The following PCDHB13 variants were observed in gnomAD, a reference collection of about 807,000 sequenced individuals.
PCDHB13 encodes protocadherin beta 13, also known as protocadherin beta-13.
For missense variants in PCDHB13, 1,065 were observed against 1,016.7 expected, an observed-to-expected ratio of 1.05 and a Z score of -0.65; for synonymous variants, 515 against 450.7, an observed-to-expected ratio of 1.14 and a Z score of -1.81.
rs1754575555 is a variant in PCDHB13 at position 141,215,530 on chromosome 5, C to A, written c.1407C>A (p.His469Gln). The change falls in exon 1 of 1, where the codon CAC becomes CAA. Residue 469 changes from histidine to glutamine, a missense_variant. Coordinates refer to ENST00000341948, the MANE Select transcript of PCDHB13 (RefSeq NM_018933.4). ...FVRENNSPALHIRSVSATDRD... is the reference protein window; with the variant it reads ...FVRENNSPALQIRSVSATDRD... ...GCGAGAACAACAGCCCCGCCCTGCACATCCGCAGCGTCAGCGCTACAGACA... is the reference window on the plus strand; with the variant it reads ...GCGAGAACAACAGCCCCGCCCTGCAAATCCGCAGCGTCAGCGCTACAGACA... 1.9e-6 allele frequency: 3 copies of A among 1,613,860 alleles called. No homozygotes were observed. Among genetic ancestry groups the A allele is most frequent in the Non-Finnish European group, 2.5e-6 (3 of 1,179,956 alleles).
In PCDHB13 at chr5:141,215,458, T is replaced by C. The variant is rs2149681808; in HGVS notation, c.1335T>C (p.Asn445=). 6.2e-7 allele frequency: 1 copy of C among 1,614,156 alleles called. No homozygotes were observed. The highest frequency in any genetic ancestry group is 8.5e-7 in the Non-Finnish European group (1 of 1,180,016). Residue 445 remains asparagine (N), a synonymous_variant, in exon 1 of 1, where the codon AAT becomes AAC. Coordinates refer to ENST00000341948, the MANE Select transcript of PCDHB13 (RefSeq NM_018933.4). ...LNMTVLIADV[N]DNAPAFTQTS... ...TGACCGTGCTGATCGCCGATGTCAATGACAACGCTCCCGCCTTCACCCAAA... is the reference window on the plus strand; with the variant it reads ...TGACCGTGCTGATCGCCGATGTCAACGACAACGCTCCCGCCTTCACCCAAA...
chr5:141,216,194 G>T lies in PCDHB13; in HGVS notation c.2071G>T (p.Val691Leu), dbSNP rs1554288130. 6 of 1,612,608 alleles carry T rather than the reference G, an allele frequency of 3.7e-6. No homozygotes were observed. The highest frequency in any genetic ancestry group is 4.2e-6 in the Non-Finnish European group (5 of 1,179,884). ...GGCCGACTTGCTCACCGTCTACCTG[G>T]TGGTGGCGTTGGCCTCGGTGTCTTC... is the stretch of plus-strand genomic sequence containing the variant. ...AQADLLTVYL[V>L]VALASVSSLF... The change falls in exon 1 of 1, where the codon GTG (valine) becomes TTG (leucine). Residue 691 changes from valine to leucine, a missense_variant. Physicochemically the swap from Val to Leu is conservative, Grantham distance 32. Transcript: ENST00000341948.
rs1192128687 is a variant in PCDHB13, at chr5:141,216,137, C to G, written c.2014C>G (p.Pro672Ala). ...LVDGFSQPYL[P>A]LPEAAPTQAQ... Reference sequence around the variant, plus strand: ...GGACGGCTTCTCCCAGCCCTACCTGCCTCTCCCGGAGGCGGCCCCGACCCA... The same window carrying G: ...GGACGGCTTCTCCCAGCCCTACCTGGCTCTCCCGGAGGCGGCCCCGACCCA... The change falls in exon 1 of 1, where the codon CCT (proline) becomes GCT (alanine). Residue 672 changes from proline (P) to alanine (A), a missense_variant. By Grantham distance (27) the Pro-to-Ala change is conservative (BLOSUM62 -1). Transcript: ENST00000341948. The G allele has an allele frequency of 6.2e-7, 1 of 1,610,920 alleles. No homozygotes were observed. The highest frequency in any genetic ancestry group is 8.5e-7 in the Non-Finnish European group (1 of 1,179,790).
At position 141,216,194 on chromosome 5, in the gene PCDHB13, G is replaced by A; in HGVS notation, c.2071G>A (p.Val691Met). The change falls in exon 1 of 1, where the codon GTG becomes ATG. Residue 691 changes from valine to methionine, a missense_variant. Physicochemically the swap from Val to Met is conservative, Grantham distance 21. Transcript: ENST00000341948. ...AQADLLTVYLVVALASVSSLF... is the reference protein window; with the variant it reads ...AQADLLTVYLMVALASVSSLF... Reference sequence around the variant, plus strand: ...GGCCGACTTGCTCACCGTCTACCTGGTGGTGGCGTTGGCCTCGGTGTCTTC... The same window carrying A: ...GGCCGACTTGCTCACCGTCTACCTGATGGTGGCGTTGGCCTCGGTGTCTTC... 6.2e-7 allele frequency: 1 copy of A among 1,612,608 alleles called. No individual in the cohort carries two copies. Among genetic ancestry groups the A allele is most frequent in the Non-Finnish European group, 8.5e-7 (1 of 1,179,884 alleles).
In PCDHB13 at chr5:141,215,543, A is replaced by T; in HGVS notation, c.1420A>T (p.Ser474Cys). 6.2e-7 allele frequency: 1 copy of T among 1,613,774 alleles called. No homozygotes were observed. Among genetic ancestry groups the T allele is most frequent in the Non-Finnish European group, 8.5e-7 (1 of 1,179,940 alleles). Residue 474 changes from serine (S) to cysteine (C), a missense_variant, in exon 1 of 1, where the codon AGC becomes TGC. Coordinates refer to ENST00000341948, the MANE Select transcript of PCDHB13 (RefSeq NM_018933.4). ...CCCCGCCCTGCACATCCGCAGCGTC[A>T]GCGCTACAGACAGAGACTCAGGCAC... ...NSPALHIRSV[S>C]ATDRDSGTNA...
At position 141,215,097 on chromosome 5, in the gene PCDHB13, C is replaced by A; in HGVS notation, c.974C>A (p.Ala325Asp). The A allele has an allele frequency of 6.2e-7, 1 of 1,614,182 alleles. No homozygotes were observed. The highest frequency in any genetic ancestry group is 8.5e-7 in the Non-Finnish European group (1 of 1,180,026). The change falls in exon 1 of 1, where the codon GCT (alanine) becomes GAT (aspartate). Residue 325 changes from alanine to aspartate, a missense_variant. Physicochemically the swap from Ala to Asp is moderately radical, Grantham distance 126. Coordinates refer to ENST00000341948, the MANE Select transcript of PCDHB13 (RefSeq NM_018933.4). ...GAAGTCAATATTGAGGCAAGAGATGCTGGAACCTTTTCTGGAAAATGCACC... is the reference window on the plus strand; with the variant it reads ...GAAGTCAATATTGAGGCAAGAGATGATGGAACCTTTTCTGGAAAATGCACC... ...SYEVNIEARD[A>D]GTFSGKCTVL...
Position 141,216,493 on chromosome 5 carries a change from C to G in PCDHB13, c.2370C>G (p.Pro790=), listed in dbSNP as rs560443481. ...AAATACAAGGAAATTCTACCTTCCCCAATAACTTTGGGTTCAATATTCAGT... is the reference window on the plus strand; with the variant it reads ...AAATACAAGGAAATTCTACCTTCCCGAATAACTTTGGGTTCAATATTCAGT... ...GKEIQGNSTF[P]NNFGFNIQ is the part of the protein sequence containing the mutation. The change falls in exon 1 of 1, where the codon CCC becomes CCG. Residue 790 remains proline, a synonymous_variant. Coordinates refer to ENST00000341948, the MANE Select transcript of PCDHB13 (RefSeq NM_018933.4). 6.2e-7 allele frequency: 1 copy of G among 1,613,918 alleles called. No individual in the cohort carries two copies. Among genetic ancestry groups the G allele is most frequent in the South Asian group, 1.1e-5 (1 of 90,994 alleles).
rs782546268 is a variant in PCDHB13, at chr5:141,215,732, G to A, written c.1609G>A (p.Gly537Ser). Residue 537 changes from glycine to serine, a missense_variant, in exon 1 of 1, where the codon GGC (glycine) becomes AGC (serine). Physicochemically the swap from Gly to Ser is moderately conservative, Grantham distance 56 (BLOSUM62 0). Transcript: ENST00000341948. ...FQFRVGASDH[G>S]SPALSSEALV... ...GTTCCGCGTGGGCGCTTCAGACCAC[G>A]GCTCCCCGGCGCTGAGCAGCGAGGC... The A allele has an allele frequency of 2.5e-6, 4 of 1,612,150 alleles. No homozygotes were observed. Among genetic ancestry groups the A allele is most frequent in the East Asian group, 2.2e-5 (1 of 44,882 alleles).
In PCDHB13 at chr5:141,215,859, C is replaced by A. The variant is rs1243709145; in HGVS notation, c.1736C>A (p.Ala579Glu). The change falls in exon 1 of 1, where the codon GCG (alanine) becomes GAG (glutamate). Residue 579 changes from alanine (A) to glutamate (E), a missense_variant. Physicochemically the swap from Ala to Glu is moderately radical, Grantham distance 107. Coordinates refer to ENST00000341948, the MANE Select transcript of PCDHB13 (RefSeq NM_018933.4). ...SAPCTELVPR[A>E]AEPGYLVTKV... is the part of the protein sequence containing the mutation. Reference sequence around the variant, plus strand: ...CCCTGCACCGAGCTGGTGCCCCGGGCGGCCGAGCCGGGCTACCTGGTGACC... The same window carrying A: ...CCCTGCACCGAGCTGGTGCCCCGGGAGGCCGAGCCGGGCTACCTGGTGACC... 3 of 1,607,530 alleles carry A rather than the reference C, an allele frequency of 1.9e-6. No homozygotes were observed. The highest frequency in any genetic ancestry group is 2.5e-6 in the Non-Finnish European group (3 of 1,178,632).
Position 141,215,405 on chromosome 5 carries a change from A to G in PCDHB13, c.1282A>G (p.Thr428Ala), listed in dbSNP as rs1214344991. ...NITITVTDLG[T>A]PMLITQLNMT... ...CACTATCACTGTCACTGACTTGGGG[A>G]CCCCTATGCTGATAACACAGCTCAA... Residue 428 changes from threonine to alanine, a missense_variant, in exon 1 of 1, where the codon ACC (threonine) becomes GCC (alanine). Coordinates refer to ENST00000341948, the MANE Select transcript of PCDHB13 (RefSeq NM_018933.4). The G allele has an allele frequency of 1.3e-5, 21 of 1,613,948 alleles. No individual in the cohort carries two copies. The highest frequency in any genetic ancestry group is 1.7e-5 in the Non-Finnish European group (20 of 1,180,008).
chr5:141,217,111 T>C lies in PCDHB13; in HGVS notation c.*591T>C, dbSNP rs1237497648. On this transcript the variant is annotated 3_prime_UTR_variant, in exon 1 of 1. Coordinates refer to ENST00000341948, the MANE Select transcript of PCDHB13 (RefSeq NM_018933.4). ...TCCTCATTCATCCTGGAGAGGATTG[T>C]GCAGGCACATTAATATTGTGACCAA... The C allele has an allele frequency of 5.9e-6, 1 of 170,564 alleles. No homozygotes were observed. The highest frequency in any genetic ancestry group is 6.5e-5 in the Admixed American group (1 of 15,464). The allele number at this position is 170,564 out of a possible 1,614,324, so 10.6% of individuals were successfully genotyped here.
rs17844617 is a variant in PCDHB13, at chr5:141,216,184, C to T, written c.2061C>T (p.Thr687=). 260,481 of 1,612,400 alleles carry T rather than the reference C, an allele frequency of 0.16. 22,238 individuals carry two copies. Among genetic ancestry groups the T allele is most frequent in the Middle Eastern group, 0.21 (1,075 of 5,240 alleles). The change falls in exon 1 of 1, where the codon ACC becomes ACT. Residue 687 remains threonine (T), a synonymous_variant. Transcript: ENST00000341948. ...APTQAQADLL[T]VYLVVALASV... is the part of the protein sequence containing the mutation. ...CCCAGGCCCAGGCCGACTTGCTCAC[C>T]GTCTACCTGGTGGTGGCGTTGGCCT...
In PCDHB13 at chr5:141,217,966, T is replaced by C. The variant is rs115847234; in HGVS notation, c.*1446T>C. The C allele has an allele frequency of 0.016, 2,657 of 166,292 alleles. 46 individuals are homozygous for C. The highest frequency in any genetic ancestry group is 0.021 in the Non-Finnish European group (1,456 of 68,148). The allele number at this position is 166,292 out of a possible 1,614,324, so 10.3% of individuals were successfully genotyped here. A position where few individuals can be genotyped will look rare whatever the true frequency, so the allele number is the denominator to read the frequency against. On this transcript the variant is annotated 3_prime_UTR_variant, in exon 1 of 1. Coordinates refer to ENST00000341948, the MANE Select transcript of PCDHB13 (RefSeq NM_018933.4). ...TGTTATTTTTTGAGACAAGGTCCTG[T>C]TCTGTCACCCAGGCTGGAGTGCAGT...
In PCDHB13 at chr5:141,218,033, T is replaced by A. The variant is rs1297130337; in HGVS notation, c.*1513T>A. On this transcript the variant is annotated 3_prime_UTR_variant, in exon 1 of 1. Transcript: ENST00000341948. ...ACTGTGATCTCCACTCACTGCAACCTCCACCTCCTGGGCTCAAGTGATCCT... is the reference window on the plus strand; with the variant it reads ...ACTGTGATCTCCACTCACTGCAACCACCACCTCCTGGGCTCAAGTGATCCT... 1.9e-5 allele frequency: 3 copies of A among 158,464 alleles called. No individual in the cohort carries two copies. The highest frequency in any genetic ancestry group is 4.4e-5 in the Non-Finnish European group (3 of 68,584). 9.8% of individuals were successfully genotyped at this position (158,464 alleles called of 1,614,324 possible).
chr5:141,216,077 C>T lies in PCDHB13; in HGVS notation c.1954C>T (p.Arg652Cys), dbSNP rs141899378. 7.0e-5 allele frequency: 112 copies of T among 1,606,188 alleles called. No homozygotes were observed. The highest frequency in any genetic ancestry group is 2.9e-4 in the East Asian group (13 of 44,862). ...GGTCAAGGACAATGGCGAGCCTCCGCGCTCGGCCACCGCCACGCTGCACGT... is the reference window on the plus strand; with the variant it reads ...GGTCAAGGACAATGGCGAGCCTCCGTGCTCGGCCACCGCCACGCTGCACGT... ...VLVKDNGEPPRSATATLHVLL... is the reference protein window; with the variant it reads ...VLVKDNGEPPCSATATLHVLL... The change falls in exon 1 of 1, where the codon CGC (arginine) becomes TGC (cysteine). Residue 652 changes from arginine to cysteine, a missense_variant. Arg to Cys is a radical substitution (Grantham distance 180, BLOSUM62 -3). Transcript: ENST00000341948.
In PCDHB13 at chr5:141,218,452, T is replaced by A. The variant is rs577735296; in HGVS notation, c.*1932T>A. 1 of 164,468 alleles carries A rather than the reference T, an allele frequency of 6.1e-6. No individual in the cohort carries two copies. The highest frequency in any genetic ancestry group is 6.5e-5 in the Admixed American group (1 of 15,308). The allele number at this position is 164,468 out of a possible 1,614,324, so 10.2% of individuals were successfully genotyped here. On this transcript the variant is annotated 3_prime_UTR_variant, in exon 1 of 1. Coordinates refer to ENST00000341948, the MANE Select transcript of PCDHB13 (RefSeq NM_018933.4). ...TTCTTTTCTTTTTTCTTTCTTTGTTTATGTTTTAGAGACAGGGTCTTAGTC... is the reference window on the plus strand; with the variant it reads ...TTCTTTTCTTTTTTCTTTCTTTGTTAATGTTTTAGAGACAGGGTCTTAGTC...
In PCDHB13 at chr5:141,215,430, A is replaced by G. The variant is rs782111975; in HGVS notation, c.1307A>G (p.Asn436Ser). 3.7e-6 allele frequency: 6 copies of G among 1,614,172 alleles called. No homozygotes were observed. The East Asian group carries it at 6.7e-5, about 18-fold the overall frequency. The stretch of plus-strand genomic sequence containing the variant: ...ACCCCTATGCTGATAACACAGCTCA[A>G]TATGACCGTGCTGATCGCCGATGTC... Reference protein sequence around the residue: ...LGTPMLITQLNMTVLIADVND... With the variant: ...LGTPMLITQLSMTVLIADVND... Residue 436 changes from asparagine (N) to serine (S), a missense_variant, in exon 1 of 1, where the codon AAT (asparagine) becomes AGT (serine). Physicochemically the swap from Asn to Ser is conservative, Grantham distance 46. Coordinates refer to ENST00000341948, the MANE Select transcript of PCDHB13 (RefSeq NM_018933.4).
Position 141,216,429 on chromosome 5 carries a change from C to T in PCDHB13, c.2306C>T (p.Pro769Leu), listed in dbSNP as rs782284712. 6.2e-6 allele frequency: 10 copies of T among 1,613,946 alleles called. No homozygotes were observed. Among genetic ancestry groups the T allele is most frequent in the Non-Finnish European group, 8.5e-6 (10 of 1,180,028 alleles). ...ACCAATGAGTTCAAGTTCCTGAAGC[C>T]GATTATCCCCAACTTCCCTCCCCAG... is the stretch of plus-strand genomic sequence containing the variant. ...SGTNEFKFLK[P>L]IIPNFPPQCP... The change falls in exon 1 of 1, where the codon CCG becomes CTG. Residue 769 changes from proline (P) to leucine (L), a missense_variant. Pro to Leu is a moderately conservative substitution (Grantham distance 98). Coordinates refer to ENST00000341948, the MANE Select transcript of PCDHB13 (RefSeq NM_018933.4).
rs1554287657 is a variant in PCDHB13 at position 141,214,598 on chromosome 5, G to T, written c.475G>T (p.Glu159Ter). 1 of 1,614,174 alleles carries T rather than the reference G, an allele frequency of 6.2e-7. No homozygotes were observed. Among genetic ancestry groups the T allele is most frequent in the Admixed American group, 1.7e-5 (1 of 60,030 alleles). Residue 159 changes from glutamate to a stop codon, truncating the protein, a stop_gained, in exon 1 of 1, where the codon GAA becomes TAA. Coordinates refer to ENST00000341948, the MANE Select transcript of PCDHB13 (RefSeq NM_018933.4). LOFTEE classifies it low-confidence loss of function (END_TRUNC). The part of the protein sequence containing the change: ...PGTTFPLKNA[E>*]DLDVGQNNIE... ...GACTACGTTTCCTCTGAAGAATGCC[G>T]AAGACTTAGATGTAGGCCAAAACAA...
Sources: allele counts gnomAD v4.1 joint callset, GRCh38; gene constraint gnomAD v4.1.1; transcripts MANE v1.5; gene names NCBI Gene and HGNC (gene_info 2026-07-23, HGNC 2026-07-21).